CHRDL2: variants seen among roughly 807,000 people sequenced by gnomAD.
The protein encoded by CHRDL2 is chordin-like protein 2.
CHRDL2 carries 41 observed loss-of-function variants against 54.3 expected under a neutral mutation model. The observed-to-expected ratio is 0.76, with a 90% CI of 0.59 to 0.98. CHRDL2 has a LOEUF of 0.98. Among genes scored for constraint, CHRDL2 ranks in the 50% least tolerant of loss-of-function variants. CHRDL2 has a pLI of 0.00. For synonymous variants in CHRDL2, 220 were observed against 224.3 expected, an observed-to-expected ratio of 0.98 and a Z score of 0.17; for missense variants, 518 against 562.4, an observed-to-expected ratio of 0.92 and a Z score of 0.80.
chr11:74,726,708 G>C (rs2034577032), intron 1 of CHRDL2, among the ~76,000 whole-genome samples: 1 of 152,148 alleles, frequency 6.6e-6, no homozygotes, highest in South Asian at 2.1e-4. Context: ...GCTGTTGCCG[G>C]GCTCAGGCTC....
intron 6 of CHRDL2, 96 bp downstream of exon 6, chr11:74,706,391 G>A (rs1045981107): frequency 1.2e-5 from 14 of 1,209,148 alleles, no homozygotes; most frequent in African/African-American, 1.5e-5. Flanking sequence ...AAGAAATGAG[G>A]ACAATAACTG....
intron 3 of CHRDL2, among the ~76,000 whole-genome samples, chr11:74,711,455 T>G (rs2135257071): frequency 6.6e-6 from 1 of 152,302 alleles, no homozygotes. Context: ...ATTGTCCCTG[T>G]GCTTGGGTAA....
At chr11:74,701,511 C>G in intron 9 of CHRDL2, 1 of 677,510 alleles carries the variant, frequency 1.5e-6, no homozygotes, top group African/African-American at 1.8e-5. Context: ...ATTCCTCCTA[C>G]GACAGGGGGC....
rs908873516 is a variant in CHRDL2 at position 74,713,630 on chromosome 11, C to T, written c.196-151G>A. The T allele has an allele frequency of 1.4e-5, 9 of 630,954 alleles. No homozygotes were observed. In the African/African-American group the frequency reaches 1.7e-4, roughly 12 times the overall value. 39.1% of individuals were successfully genotyped at this position (630,954 alleles called of 1,614,324 possible). A position where few individuals can be genotyped will look rare whatever the true frequency, so the allele number is the denominator to read the frequency against. On this transcript the variant is annotated intron_variant, in intron 2 of 10. Coordinates refer to ENST00000376332, the MANE Select transcript of CHRDL2 (RefSeq NM_001278473.3). ...GAAAACAATTAAGTGTGCCCGGTTCCTCCCCATTCCTGCCCACCAAGGGGA... is the reference window on the plus strand; with the variant it reads ...GAAAACAATTAAGTGTGCCCGGTTCTTCCCCATTCCTGCCCACCAAGGGGA...
At position 74,702,866 on chromosome 11, in the gene CHRDL2, T is replaced by G; in HGVS notation, c.1048A>C (p.Asn350His). 6.2e-7 allele frequency: 1 copy of G among 1,614,138 alleles called. No homozygotes were observed. The highest frequency in any genetic ancestry group is 8.5e-7 in the Non-Finnish European group (1 of 1,180,016). Residue 350 changes from asparagine (N) to histidine (H), a missense_variant, in exon 9 of 11, where the codon AAC becomes CAC. Asn to His is a moderately conservative substitution (Grantham distance 68). Transcript: ENST00000376332. Reference protein sequence around the residue: ...VHTSVSPSPDNLRRFALEHEA... With the variant: ...VHTSVSPSPDHLRRFALEHEA... ...TGTTCCAGGGCAAAGCGACGCAGGT[T>G]GTCTGGGCTTGGGGATACCGATGTG...
chr11:74,729,700 AGTTGGGAAC>A (rs1289221955), intron 1 of CHRDL2, among the ~76,000 whole-genome samples: 6 of 152,190 alleles, frequency 3.9e-5, no homozygotes, highest in Non-Finnish European at 8.8e-5. Context: ...CCAGACTAGG[AGTTGGGAAC>A]GCAGGGTCTT....
At position 74,731,001 on chromosome 11, in the gene CHRDL2, C is replaced by T; in HGVS notation, c.-113G>A. 1 of 840,280 alleles carries T rather than the reference C, an allele frequency of 1.2e-6. No individual in the cohort carries two copies. The highest frequency in any genetic ancestry group is 1.9e-6 in the Non-Finnish European group (1 of 538,290). The allele number at this position is 840,280 out of a possible 1,614,324, so 52.1% of individuals were successfully genotyped here. A position where few individuals can be genotyped will look rare whatever the true frequency, so the allele number is the denominator to read the frequency against. ...CAACCCACAGACCCCAGGAGGTCTG[C>T]TGCTAGAGCGGGGTCGGAGAAGGGC... On this transcript the variant is annotated 5_prime_UTR_variant, in exon 1 of 11. Coordinates refer to ENST00000376332, the MANE Select transcript of CHRDL2 (RefSeq NM_001278473.3). This position sits in a 1 kb window ranked among gnomAD's most constrained non-coding sequence, Gnocchi z 4.4.
chr11:74,704,549 A>T lies in CHRDL2; in HGVS notation c.688T>A (p.Phe230Ile). 2 of 1,581,628 alleles carry T rather than the reference A, an allele frequency of 1.3e-6. No individual in the cohort carries two copies. The highest frequency in any genetic ancestry group is 1.7e-6 in the Non-Finnish European group (2 of 1,167,734). The change falls in exon 7 of 11, where the codon TTC (phenylalanine) becomes ATC (isoleucine). Residue 230 changes from phenylalanine to isoleucine, a missense_variant. By Grantham distance (21) the Phe-to-Ile change is conservative. Coordinates refer to ENST00000376332, the MANE Select transcript of CHRDL2 (RefSeq NM_001278473.3). The stretch of plus-strand genomic sequence containing the variant: ...GTGCTGCCTGCTCCCTTGGGTCTGA[A>T]GTGGCGAGGGATGAAGCTCAGAGGG... ...SAPLSFIPRH[F>I]RPKGAGSTTV...
intron 3 of CHRDL2, among the ~76,000 whole-genome samples, chr11:74,712,134 A>G (rs2034211494): frequency 1.3e-5 from 2 of 152,000 alleles, no homozygotes; most frequent in Non-Finnish European, 2.9e-5. Flanking sequence ...AATTTTTAAA[A>G]AAGAAGTTTG....
At position 74,708,793 on chromosome 11, in the gene CHRDL2, A is replaced by T. The variant is rs549411944; in HGVS notation, c.433-398T>A. Among the ~76,000 whole-genome samples the T allele has an allele frequency of 7.9e-4, 121 of 152,338 alleles. 1 individual carries two copies. The highest frequency in any genetic ancestry group is 2.8e-3 in the African/African-American group (117 of 41,582). ...GAAATCAACATCATGGGAGGGGGAC[A>T]GGTGGGTGATACCTGGGCTCATCTT... On this transcript the variant is annotated intron_variant, in intron 4 of 10. Transcript: ENST00000376332.
chr11:74,714,746 G>T (rs1195338262), intron 2 of CHRDL2, among the ~76,000 whole-genome samples: 1 of 152,220 alleles, frequency 6.6e-6, no homozygotes, highest in East Asian at 1.9e-4. Context: ...GAGAAACTAG[G>T]ATGGAGTGCA....
At chr11:74,726,073 T>C (rs1313129289) in intron 1 of CHRDL2, among the ~76,000 whole-genome samples, 1 of 152,054 alleles carries the variant, frequency 6.6e-6, no homozygotes, top group African/African-American at 2.4e-5. Flanking sequence ...TGAACCTGAC[T>C]TTTCCCTCTG....
At chr11:74,703,860 C>T (rs931132105) in intron 7 of CHRDL2, among the ~76,000 whole-genome samples, 4 of 152,224 alleles carry the variant, frequency 2.6e-5, no homozygotes, top group Non-Finnish European at 5.9e-5. Context: ...TTTCCCCCCT[C>T]TGCCTCAGTG....
chr11:74,725,665 T>C (rs542472727), intron 1 of CHRDL2, among the ~76,000 whole-genome samples: 2 of 152,112 alleles, frequency 1.3e-5, no homozygotes, highest in South Asian at 4.2e-4. Context: ...TCTTCCCCAA[T>C]AGGAAGCAGA....
intron 2 of CHRDL2, among the ~76,000 whole-genome samples, chr11:74,715,832 G>C (rs573880354): frequency 1.3e-5 from 2 of 151,778 alleles, no homozygotes; most frequent in Non-Finnish European, 2.9e-5. Flanking sequence ...ACAAAAATTA[G>C]CCGGGCGTGG....
Position 74,706,523 on chromosome 11 carries a change from C to T in CHRDL2, c.546G>A (p.Ser182=), listed in dbSNP as rs746223090. The change falls in exon 6 of 11, where the codon TCG becomes TCA. Residue 182 remains serine (S), a synonymous_variant. Coordinates refer to ENST00000376332, the MANE Select transcript of CHRDL2 (RefSeq NM_001278473.3). ...GCGACTGCACACTGTCCTCTTCATC[C>T]GATTGCTCACTTGCCTCATCTGAAA... The part of the protein sequence containing the change: ...QACKDEASEQ[S]DEEDSVQSLH... 26 of 1,613,994 alleles carry T rather than the reference C, an allele frequency of 1.6e-5. No homozygotes were observed. In the African/African-American group the frequency reaches 1.7e-4, roughly 11 times the overall value.
At chr11:74,708,423 A>C in intron 4 of CHRDL2, 28 bp from the exon 5 acceptor site, 2 of 1,510,412 alleles carry the variant, frequency 1.3e-6, no homozygotes, top group South Asian at 2.5e-5. Context: ...CCAGCTGGGA[A>C]ATGAGCTCTG....
chr11:74,721,972 C>A (rs1225214511), intron 1 of CHRDL2, among the ~76,000 whole-genome samples: 1 of 152,130 alleles, frequency 6.6e-6, no homozygotes, highest in African/African-American at 2.4e-5. Flanking sequence ...CTAGAATTGT[C>A]CAATGTTGTG....
At chr11:74,700,622 T>TTATTATTA (rs1554984204) in intron 9 of CHRDL2, among the ~76,000 whole-genome samples, 5 of 140,338 alleles carry the variant, frequency 3.6e-5, no homozygotes, top group Admixed American at 1.4e-4. Context: ...GAATCTTTTT[T>TTATTATTA]TTATTATTAT....
Sources: allele counts gnomAD v4.1 joint callset (sites outside exome capture counted in the v4.1 genomes callset), GRCh38; gene constraint gnomAD v4.1.1; non-coding constraint Gnocchi (gnomAD v3.1); transcripts MANE v1.5; gene names NCBI Gene and HGNC (gene_info 2026-07-23, HGNC 2026-07-21).